The following UNC5C variants were observed in gnomAD, a reference collection of about 807,000 sequenced individuals.
The protein encoded by UNC5C is unc-5 netrin receptor C.
UNC5C carries 47 observed loss-of-function variants against 99.8 expected under a neutral mutation model. The ratio of observed to expected loss-of-function variants is 0.47; its 90% confidence interval spans 0.37 to 0.60. UNC5C has a LOEUF of 0.60. Among genes scored for constraint, UNC5C ranks in the 20% least tolerant of loss-of-function variants. The probability of loss-of-function intolerance (pLI) is 0.00; values close to 1 mark genes in which losing one functional copy is unlikely to be tolerated. For missense variants in UNC5C, 1,062 were observed against 1,165.9 expected (o/e 0.91, Z 1.30); for synonymous variants, 487 against 452.2 (o/e 1.08, Z -0.98).
At chr4:95,192,799 A>G (rs1361454411) in intron 12 of UNC5C, among the ~76,000 whole-genome samples, 1 of 152,018 alleles carries the variant, frequency 6.6e-6, no homozygotes, top group African/African-American at 2.4e-5. Flanking sequence ...CAGTGCCCCA[A>G]AATTGCACCA....
chr4:95,435,842 C>A (rs1352530064), intron 1 of UNC5C, among the ~76,000 whole-genome samples: 1 of 151,986 alleles, frequency 6.6e-6, no homozygotes, highest in Non-Finnish European at 1.5e-5. Flanking sequence ...TAGAAATATT[C>A]CATCAGTTTT....
At chr4:95,329,710 C>G (rs551004008) in intron 2 of UNC5C, among the ~76,000 whole-genome samples, 1 of 152,258 alleles carries the variant, frequency 6.6e-6, no homozygotes, top group Non-Finnish European at 1.5e-5. Context: ...ATAAAATTAG[C>G]CCTTTGGCTA....
chr4:95,248,129 C>T (rs755170629), intron 5 of UNC5C: 2 of 165,118 alleles, frequency 1.2e-5, no homozygotes, highest in African/African-American at 2.4e-5. Context: ...TTTGGAACAG[C>T]ATAGTGGTTT....
intron 3 of UNC5C, among the ~76,000 whole-genome samples, chr4:95,282,160 G>A (rs1207596697): frequency 6.6e-6 from 1 of 152,198 alleles, no homozygotes; most frequent in African/African-American, 2.4e-5. Context: ...TGACATTCAA[G>A]AGGAAAAGCT....
intron 1 of UNC5C, among the ~76,000 whole-genome samples, chr4:95,417,381 T>C (rs2865449): frequency 0.16 from 24,332 of 152,162 alleles, 2,139 homozygotes; most frequent in Non-Finnish European, 0.2. Flanking sequence ...ATATTGTTAT[T>C]ATCATTATTA....
intron 4 of UNC5C, among the ~76,000 whole-genome samples, chr4:95,251,089 T>C (rs1739704332): frequency 6.6e-6 from 1 of 152,214 alleles, no homozygotes; most frequent in South Asian, 2.1e-4. Context: ...TCTTGGCAAC[T>C]TACCTGCTGC....
intron 2 of UNC5C, among the ~76,000 whole-genome samples, chr4:95,321,827 AT>A (rs1431785093): frequency 6.6e-6 from 1 of 152,230 alleles, no homozygotes. Context: ...ATCTTGTGAC[AT>A]TATCAGATTA....
At chr4:95,202,676 A>C (rs1366293668) in intron 12 of UNC5C, 55 bp downstream of exon 12, 2 of 1,557,748 alleles carry the variant, frequency 1.3e-6, no homozygotes, top group African/African-American at 2.7e-5. Flanking sequence ...CAGCCGTGCA[A>C]AACCTTGGCT....
In UNC5C at chr4:95,245,128, G is replaced by A; in HGVS notation, c.792C>T (p.Ser264=). 6.2e-7 allele frequency: 1 copy of A among 1,611,658 alleles called. No individual in the cohort carries two copies. The highest frequency in any genetic ancestry group is 1.7e-5 in the Admixed American group (1 of 59,248). The change falls in exon 6 of 16, where the codon TCC becomes TCT. Residue 264 remains serine (S), a synonymous_variant. Transcript: ENST00000453304. The stretch of plus-strand genomic sequence containing the variant: ...TACACACAGACCACTCCGTCCAGGT[G>A]GACCAGCCACCGTTGACTGAAAGGA... ...TVIVYVNGGW[S]TWTEWSVCNS... is the part of the protein sequence containing the mutation.
rs185271165 is a variant in UNC5C, at chr4:95,331,281, T to G, written c.346+4129A>C. 6.6e-5 allele frequency among the ~76,000 whole-genome samples: 10 copies of G among 152,232 alleles called. No homozygotes were observed. The East Asian group carries it at 1.9e-3, about 29-fold the overall frequency. On this transcript the variant is annotated intron_variant, in intron 2 of 15. Transcript: ENST00000453304. ...TGTGAATAGAGCTATGAAAAACATA[T>G]GAGTGCAGGTATCTTTTTGATGTAA...
intron 1 of UNC5C, among the ~76,000 whole-genome samples, chr4:95,547,407 C>A (rs1315225011): frequency 6.6e-6 from 1 of 152,158 alleles, no homozygotes; most frequent in Non-Finnish European, 1.5e-5. Flanking sequence ...CCACCCCCAG[C>A]GCCTCTCTAA....
At chr4:95,306,942 T>G (rs550238968) in intron 2 of UNC5C, among the ~76,000 whole-genome samples, 1 of 152,314 alleles carries the variant, frequency 6.6e-6, no homozygotes, top group African/African-American at 2.4e-5. Flanking sequence ...CTTCCAGTGC[T>G]TCATTCTATT....
At chr4:95,436,547 G>A (rs1351504739) in intron 1 of UNC5C, among the ~76,000 whole-genome samples, 1 of 151,860 alleles carries the variant, frequency 6.6e-6, no homozygotes, top group Non-Finnish European at 1.5e-5. Context: ...TTTTTTTGAG[G>A]CAGTCTTCTT....
At chr4:95,354,384 C>CCTGTAT (rs1360611494) in intron 1 of UNC5C, among the ~76,000 whole-genome samples, 1 of 151,020 alleles carries the variant, frequency 6.6e-6, no homozygotes, top group East Asian at 1.9e-4. Flanking sequence ...AAACACAGAC[C>CCTGTAT]CTGTATCATC....
intron 7 of UNC5C, among the ~76,000 whole-genome samples, chr4:95,230,530 T>C (rs1268054702): frequency 6.6e-6 from 1 of 152,196 alleles, no homozygotes; most frequent in African/African-American, 2.4e-5. Context: ...GCCTATGTCC[T>C]GAATGGTATT....
intron 1 of UNC5C, among the ~76,000 whole-genome samples, chr4:95,407,504 G>C (rs2149450540): frequency 6.6e-6 from 1 of 152,126 alleles, no homozygotes; most frequent in African/African-American, 2.4e-5. Flanking sequence ...CAAAGGGCAG[G>C]GGTCTCCAGA....
At chr4:95,520,574 T>C (rs1476491302) in intron 1 of UNC5C, among the ~76,000 whole-genome samples, 1 of 151,066 alleles carries the variant, frequency 6.6e-6, no homozygotes, top group African/African-American at 2.4e-5. Context: ...TTAAAAACCA[T>C]TTTTCAGAAA....
intron 1 of UNC5C, among the ~76,000 whole-genome samples, chr4:95,444,400 C>T (rs979814282): frequency 1.3e-5 from 2 of 151,432 alleles, no homozygotes; most frequent in East Asian, 1.9e-4. Flanking sequence ...GTGCGATCTC[C>T]GCTCACTGCA....
intron 1 of UNC5C, among the ~76,000 whole-genome samples, chr4:95,381,460 T>C (rs1296631724): frequency 6.6e-6 from 1 of 152,166 alleles, no homozygotes; most frequent in East Asian, 1.9e-4. Context: ...AATTTTATCT[T>C]TTCAAACAAA....
Sources: gnomAD v4.1 joint callset for allele counts (sites outside exome capture counted in the v4.1 genomes callset) on GRCh38, gnomAD v4.1.1 for gene constraint, MANE v1.5 for transcripts, NCBI Gene and HGNC (gene_info 2026-07-23, HGNC 2026-07-21) for gene names.